VPS13B: variants seen among roughly 807,000 people sequenced by gnomAD.
VPS13B encodes the protein vacuolar protein sorting 13 homolog B, also known as intermembrane lipid transfer protein VPS13B.
In VPS13B, 285 loss-of-function variants were observed where a neutral mutation model predicts 426.4. The observed-to-expected ratio is 0.67, with a 90% CI of 0.61 to 0.74. VPS13B has a LOEUF of 0.74. Ranked by LOEUF, VPS13B falls within the 30% of genes least tolerant of loss-of-function variation. VPS13B has a pLI of 0.00. For missense variants in VPS13B, 4,537 were observed against 4,782.6 expected (o/e 0.95, Z 1.51); for synonymous variants, 1,676 against 1,676.4 (o/e 1.00, Z 0.01).
intron 19 of VPS13B, among the ~76,000 whole-genome samples, chr8:99,316,268 G>A (rs540570831): frequency 2.6e-5 from 4 of 152,306 alleles, no homozygotes; most frequent in Admixed American, 2.0e-4. Context: ...TTTGCTTTGG[G>A]CCTAATGGTG....
chr8:99,521,334 C>T (rs1210371806), intron 30 of VPS13B, among the ~76,000 whole-genome samples: 4 of 152,152 alleles, frequency 2.6e-5, no homozygotes, highest in African/African-American at 7.2e-5. Context: ...TCTGTAGAAC[C>T]ACCACATCCT....
intron 35 of VPS13B, among the ~76,000 whole-genome samples, chr8:99,676,253 A>G (rs1830928746): frequency 1.3e-5 from 2 of 152,076 alleles, no homozygotes; most frequent in South Asian, 4.1e-4. Flanking sequence ...CGTGGCCACC[A>G]AGGTTGGCAC....
At chr8:99,191,633 C>T (rs865941590) in intron 16 of VPS13B, among the ~76,000 whole-genome samples, 1 of 151,966 alleles carries the variant, frequency 6.6e-6, no homozygotes, top group Non-Finnish European at 1.5e-5. Flanking sequence ...CCGCCCGCCT[C>T]GGCCTCCCAG....
chr8:99,239,196 G>T (rs924808276), intron 17 of VPS13B, among the ~76,000 whole-genome samples: 1 of 152,094 alleles, frequency 6.6e-6, no homozygotes, highest in African/African-American at 2.4e-5. Flanking sequence ...TTATTCTCCT[G>T]GCCATTGAGT....
intron 40 of VPS13B, among the ~76,000 whole-genome samples, chr8:99,772,439 G>A (rs1162017721): frequency 6.6e-6 from 1 of 152,096 alleles, no homozygotes; most frequent in African/African-American, 2.4e-5. Context: ...AGAGCATAGT[G>A]GTGGCTGTCA....
chr8:99,593,302 GA>G (rs71103841), intron 33 of VPS13B, among the ~76,000 whole-genome samples: 1 of 151,892 alleles, frequency 6.6e-6, no homozygotes, highest in Non-Finnish European at 1.5e-5. Context: ...CAAGGAACAT[GA>G]AAAAAAGCTC....
intron 60 of VPS13B, 77 bp from the exon 61 acceptor site, chr8:99,871,371 T>A (rs1213809335): frequency 6.2e-7 from 1 of 1,608,600 alleles, no homozygotes; most frequent in African/African-American, 1.3e-5. Context: ...GGTTGCCCCA[T>A]TGGTAAATAA....
intron 33 of VPS13B, among the ~76,000 whole-genome samples, chr8:99,589,535 T>G (rs1225071911): frequency 6.6e-6 from 1 of 151,796 alleles, no homozygotes; most frequent in Non-Finnish European, 1.5e-5. Context: ...GGACATGAAC[T>G]CATCTTTTTT....
chr8:99,283,794 C>G (rs914622905), intron 19 of VPS13B, among the ~76,000 whole-genome samples: 1 of 152,084 alleles, frequency 6.6e-6, no homozygotes, highest in East Asian at 1.9e-4. Flanking sequence ...CTTTACCATA[C>G]GAACTAGTTG....
intron 54 of VPS13B, among the ~76,000 whole-genome samples, chr8:99,836,682 C>T (rs182793361): frequency 1.8e-3 from 272 of 152,248 alleles, no homozygotes; most frequent in African/African-American, 5.6e-3. Flanking sequence ...CTGGTCTTCA[C>T]GACAAGCTTG....
chr8:99,534,272 G>C (rs893254208), intron 30 of VPS13B, among the ~76,000 whole-genome samples: 1 of 152,078 alleles, frequency 6.6e-6, no homozygotes, highest in Non-Finnish European at 1.5e-5. Context: ...CCATGAATAT[G>C]GTTTCTATTT....
chr8:99,342,332 A>G (rs1811297714), intron 19 of VPS13B, among the ~76,000 whole-genome samples: 1 of 152,204 alleles, frequency 6.6e-6, no homozygotes, highest in South Asian at 2.1e-4. Flanking sequence ...TGTACAATAG[A>G]TCTCAACACT....
chr8:99,826,162 G>C (rs1814670717), intron 51 of VPS13B, among the ~76,000 whole-genome samples: 1 of 152,180 alleles, frequency 6.6e-6, no homozygotes, highest in African/African-American at 2.4e-5. Context: ...ACTTTGGGCA[G>C]TATGGCCATT....
intron 19 of VPS13B, chr8:99,340,572 G>A: frequency 2.2e-6 from 1 of 458,212 alleles, no homozygotes; most frequent in Non-Finnish European, 4.3e-6. Flanking sequence ...TAATTATCAG[G>A]CACAAGCTTC....
At chr8:99,320,038 G>T (rs1189574513) in intron 19 of VPS13B, among the ~76,000 whole-genome samples, 1 of 152,092 alleles carries the variant, frequency 6.6e-6, no homozygotes, top group East Asian at 1.9e-4. Context: ...GCATGAGAGG[G>T]AGTGATTGTT....
intron 23 of VPS13B, among the ~76,000 whole-genome samples, chr8:99,454,675 C>T (rs1266502291): frequency 6.6e-6 from 1 of 152,060 alleles, no homozygotes; most frequent in Non-Finnish European, 1.5e-5. Flanking sequence ...ACTGCCAGAT[C>T]GTATGGTAAA....
At chr8:99,219,610 C>T (rs1200154414) in intron 17 of VPS13B, among the ~76,000 whole-genome samples, 1 of 152,142 alleles carries the variant, frequency 6.6e-6, no homozygotes, top group Non-Finnish European at 1.5e-5. Context: ...CCTCACATGG[C>T]ACAAAGGCAA....
At chr8:99,286,961 T>A (rs1363312734) in intron 19 of VPS13B, among the ~76,000 whole-genome samples, 1 of 152,138 alleles carries the variant, frequency 6.6e-6, no homozygotes, top group Non-Finnish European at 1.5e-5. Flanking sequence ...AACTTGAGTT[T>A]TACTTTTCAA....
At chr8:99,711,608 G>A (rs1287452651) in intron 36 of VPS13B, among the ~76,000 whole-genome samples, 2 of 152,146 alleles carry the variant, frequency 1.3e-5, no homozygotes, top group Non-Finnish European at 2.9e-5. Context: ...CACATAAAGT[G>A]AATAAAAAGA....
Sources: gnomAD v4.1 joint callset for allele counts (sites outside exome capture counted in the v4.1 genomes callset) on GRCh38, gnomAD v4.1.1 for gene constraint, MANE v1.5 for transcripts, NCBI Gene and HGNC (gene_info 2026-07-23, HGNC 2026-07-21) for gene names.